Variants in SNED1 observed in about 807,000 individuals in gnomAD.
SNED1 encodes sushi, nidogen and EGF-like domain-containing protein 1.
A neutral mutation model predicts 166.7 loss-of-function variants in SNED1; 81 were observed. The ratio of observed to expected loss-of-function variants is 0.49; its 90% CI spans 0.41 to 0.58. The LOEUF (loss-of-function observed/expected upper bound fraction) is 0.58, where lower values mean the gene tolerates loss of function less well. SNED1 is among the 20% of genes least tolerant of loss of function. SNED1 has a pLI of 0.00. For missense variants in SNED1, 1,604 were observed against 2,000.2 expected, an observed-to-expected ratio of 0.80 and a Z score of 3.78; for synonymous variants, 762 against 822.0, an observed-to-expected ratio of 0.93 and a Z score of 1.25.
At chr2:241,050,044 G>A in intron 12 of SNED1, 111 bp downstream of exon 12, 2 of 793,390 alleles carry the variant, frequency 2.5e-6, no homozygotes, top group Non-Finnish European at 4.4e-6. Flanking sequence ...TGCTGACCTC[G>A]TCTAGAGCCT....
Position 241,089,454 on chromosome 2 carries a change from A to G in SNED1, c.*1+1052A>G, listed in dbSNP as rs1214017304. 5.2e-6 allele frequency: 8 copies of G among 1,540,752 alleles called. No homozygotes were observed. In the African/African-American group the frequency reaches 1.1e-4, roughly 21 times the overall value. ...TTTCAGATATAGGCTCACACACACC[A>G]AAGGAAGAGTGTCCACACCCCCTTG... On this transcript the variant is annotated intron_variant, in intron 31 of 31. Transcript: ENST00000310397.
chr2:241,082,442 C>A (rs913284768), intron 29 of SNED1, 78 bp downstream of exon 29: 1 of 1,092,292 alleles, frequency 9.2e-7, no homozygotes, highest in Non-Finnish European at 1.4e-6. Flanking sequence ...TCAAAGCTAC[C>A]CAGCTAACCC....
intron 5 of SNED1, 105 bp from the exon 6 acceptor site, chr2:241,037,135 A>G (rs2061398354): frequency 1.2e-5 from 13 of 1,107,510 alleles, no homozygotes; most frequent in Non-Finnish European, 1.7e-5. Flanking sequence ...CTCTGAGCCA[A>G]TCTCGGGCTT....
rs13418917 is a variant in SNED1, at chr2:241,018,267, T to C, written c.214-12017T>C. 0.016 allele frequency among the ~76,000 whole-genome samples: 2,486 copies of C among 152,298 alleles called. 61 individuals are homozygous for C. Among genetic ancestry groups the C allele is most frequent in the African/African-American group, 0.057 (2,373 of 41,572 alleles). ...ATGACGGGGAAGCTATGAATTCAAG[T>C]CAGCAAGATGGAAGCAAGGTTGTGC... On this transcript the variant is annotated intron_variant, in intron 1 of 31. Transcript: ENST00000310397. This position sits in a 1 kb window ranked among gnomAD's most constrained non-coding sequence, Gnocchi z 5.4.
rs1441282001 is a variant in SNED1, at chr2:241,069,060, C to T, written c.3307+37C>T. 1.4e-6 allele frequency: 2 copies of T among 1,410,240 alleles called. No individual in the cohort carries two copies. The highest frequency in any genetic ancestry group is 2.5e-5 in the South Asian group (2 of 79,092). 87.4% of individuals were successfully genotyped at this position (1,410,240 alleles called of 1,614,324 possible). On this transcript the variant is annotated intron_variant, in intron 23 of 31. Coordinates refer to ENST00000310397, the MANE Select transcript of SNED1 (RefSeq NM_001080437.3). The surrounding 1 kb of genome is among the most constrained non-coding windows in gnomAD (Gnocchi z 4.9). ...AGCGCGGCCCCCGGCACACGAAAGG[C>T]CGTCTTCTAGAAGCTCTGGCTTCCT...
intron 1 of SNED1, among the ~76,000 whole-genome samples, chr2:241,027,032 G>T (rs1430569169): frequency 1.3e-5 from 2 of 151,802 alleles, no homozygotes; most frequent in East Asian, 3.8e-4. Flanking sequence ...ATTTTACTTA[G>T]CATAGTGTCT....
At position 241,081,549 on chromosome 2, in the gene SNED1, C is replaced by T. The variant is rs758082; in HGVS notation, c.3917-128C>T. 0.013 allele frequency: 8,819 copies of T among 698,664 alleles called. 519 individuals are homozygous for T. The African/African-American group carries it at 0.13, about 10-fold the overall frequency. The allele number at this position is 698,664 out of a possible 1,614,324, so 43.3% of individuals were successfully genotyped here. On this transcript the variant is annotated intron_variant, in intron 27 of 31. Transcript: ENST00000310397. ...GGCCCAGAGGCGTTTGGGAGGCCAC[C>T]GCAGCACACCACAGAGGAGTGCACG...
intron 27 of SNED1, among the ~76,000 whole-genome samples, chr2:241,076,381 A>G (rs1167825960): frequency 1.3e-5 from 2 of 152,192 alleles, no homozygotes; most frequent in South Asian, 2.1e-4. Flanking sequence ...ATACTATTAT[A>G]TAGTTTGATA....
chr2:241,048,904 A>C (rs2061744993), intron 10 of SNED1, 118 bp from the exon 11 acceptor site: 1 of 1,192,876 alleles, frequency 8.4e-7, no homozygotes, highest in East Asian at 2.6e-5. Context: ...GACTGGCCAC[A>C]AGAGTGCCTG....
intron 8 of SNED1, among the ~76,000 whole-genome samples, chr2:241,044,602 A>AG (rs1435096273): frequency 1.3e-5 from 2 of 152,216 alleles, no homozygotes; most frequent in East Asian, 3.8e-4. Flanking sequence ...TCAAAACCAG[A>AG]AGTGGGCATC....
In SNED1 at chr2:241,094,614, A is replaced by G; in HGVS notation, c.*2978A>G. 1 of 352,326 alleles carries G rather than the reference A, an allele frequency of 2.8e-6. No individual in the cohort carries two copies. Among genetic ancestry groups the G allele is most frequent in the Admixed American group, 3.8e-5 (1 of 26,028 alleles). 21.8% of individuals were successfully genotyped at this position (352,326 alleles called of 1,614,324 possible). A position where few individuals can be genotyped will look rare whatever the true frequency, so the allele number is the denominator to read the frequency against. On this transcript the variant is annotated 3_prime_UTR_variant, in exon 32 of 32. Transcript: ENST00000310397. This position sits in a 1 kb window ranked among gnomAD's most constrained non-coding sequence, Gnocchi z 4.3. ...CCATTTACCATCTGAAGTTGTCACG[A>G]GTGAACAGTCACATTACTGTTGTGG...
At chr2:241,089,488 G>T (rs945972418) in intron 31 of SNED1, 1 of 1,491,304 alleles carries the variant, frequency 6.7e-7, no homozygotes, top group Admixed American at 2.2e-5. Context: ...TGGGGGAAAG[G>T]TCTGGGCCGG....
At chr2:241,077,160 A>T (rs2063066913) in intron 27 of SNED1, among the ~76,000 whole-genome samples, 2 of 152,190 alleles carry the variant, frequency 1.3e-5, no homozygotes, top group Non-Finnish European at 2.9e-5. Flanking sequence ...GGCTGAAACC[A>T]TTCAATGTGG....
chr2:241,009,708 T>C (rs1355669108), intron 1 of SNED1, among the ~76,000 whole-genome samples: 1 of 151,974 alleles, frequency 6.6e-6, no homozygotes, highest in Non-Finnish European at 1.5e-5. Context: ...AGCTCAGATG[T>C]CCCCTCCTCC....
Position 241,048,778 on chromosome 2 carries a change from G to A in SNED1, c.1504+12G>A, listed in dbSNP as rs748376901. On this transcript the variant is annotated intron_variant, in intron 10 of 31. Transcript: ENST00000310397. Reference sequence around the variant, plus strand: ...TCTCTGTGAATTTGGTAGGTGCCCAGGTCACCCTTCCTGCCCTGTCCCTGA... The same window carrying A: ...TCTCTGTGAATTTGGTAGGTGCCCAAGTCACCCTTCCTGCCCTGTCCCTGA... 2.5e-6 allele frequency: 4 copies of A among 1,590,980 alleles called. No homozygotes were observed. Among genetic ancestry groups the A allele is most frequent in the Non-Finnish European group, 3.4e-6 (4 of 1,164,094 alleles).
intron 4 of SNED1, 151 bp from the exon 5 acceptor site, chr2:241,036,639 A>C (rs1369023463): frequency 2.0e-6 from 2 of 1,013,102 alleles, no homozygotes; most frequent in African/African-American, 3.2e-5. Flanking sequence ...CTAAAGTGAA[A>C]CCTGAAACCT....
chr2:241,062,361 A>G (rs2125173164), intron 16 of SNED1, among the ~76,000 whole-genome samples: 1 of 152,330 alleles, frequency 6.6e-6, no homozygotes, highest in African/African-American at 2.4e-5. Context: ...TAAATTCAGG[A>G]GCACAACTCC....
At chr2:241,060,372 G>A (rs1042950774) in intron 16 of SNED1, among the ~76,000 whole-genome samples, 2 of 152,090 alleles carry the variant, frequency 1.3e-5, no homozygotes, top group Non-Finnish European at 2.9e-5. Flanking sequence ...TAATAGAGAC[G>A]GGGTTTCACC....
At chr2:241,081,171 C>T (rs530435642) in intron 27 of SNED1, among the ~76,000 whole-genome samples, 1 of 152,212 alleles carries the variant, frequency 6.6e-6, no homozygotes, top group Non-Finnish European at 1.5e-5. Context: ...ACCATCTGAA[C>T]CTAAATCCTA....
Sources: allele counts gnomAD v4.1 joint callset (sites outside exome capture counted in the v4.1 genomes callset), GRCh38; gene constraint gnomAD v4.1.1; non-coding constraint Gnocchi (gnomAD v3.1); transcripts MANE v1.5; gene names NCBI Gene and HGNC (gene_info 2026-07-23, HGNC 2026-07-21).